WDR35: variants seen among roughly 807,000 people sequenced by gnomAD.
WDR35 encodes the protein WD repeat domain 35, also known as WD repeat-containing protein 35.
WDR35 carries 118 observed loss-of-function variants against 158.3 expected under a neutral mutation model. The ratio of observed to expected loss-of-function variants is 0.75; its 90% CI spans 0.64 to 0.87. The LOEUF (loss-of-function observed/expected upper bound fraction) is 0.87, where lower values mean the gene tolerates loss of function less well. WDR35 is among the 40% of genes least tolerant of loss of function. WDR35 has a pLI of 0.00. For missense variants in WDR35, 1,263 were observed against 1,405.8 expected, an observed-to-expected ratio of 0.90 and a Z score of 1.62; for synonymous variants, 448 against 476.1, an observed-to-expected ratio of 0.94 and a Z score of 0.77.
At chr2:19,941,654 T>C in intron 17 of WDR35, 105 bp downstream of exon 17, 1 of 806,670 alleles carries the variant, frequency 1.2e-6, no homozygotes, top group Non-Finnish European at 2.0e-6. Context: ...GCCTGAGATA[T>C]ATCTGACTCC....
intron 11 of WDR35, among the ~76,000 whole-genome samples, chr2:19,955,661 T>A (rs1457885395): frequency 1.3e-5 from 2 of 152,242 alleles, no homozygotes; most frequent in Non-Finnish European, 2.9e-5. Flanking sequence ...TTAATTTCTC[T>A]ATTATAAATA....
chr2:19,925,827 C>T (rs2103391157), intron 25 of WDR35, among the ~76,000 whole-genome samples: 1 of 152,260 alleles, frequency 6.6e-6, no homozygotes. Context: ...AAAAAATCTG[C>T]AAGCTTTGGA....
intron 8 of WDR35, among the ~76,000 whole-genome samples, chr2:19,971,419 T>C (rs1331983289): frequency 6.6e-6 from 1 of 152,202 alleles, no homozygotes; most frequent in Non-Finnish European, 1.5e-5. Context: ...TGTCTCTCTG[T>C]TGCACTCTCT....
rs762617889 is a variant in WDR35 at position 19,989,160 on chromosome 2, T to C, written c.142+5A>G. ...TACCAAACATGTGGGCTTGCATTCA[T>C]TTACCTGTCTGCGTCTCTAATTTCA... On this transcript the variant is annotated splice_donor_5th_base_variant and intron_variant, in intron 2 of 26. Coordinates refer to ENST00000281405, the MANE Select transcript of WDR35 (RefSeq NM_020779.4). The C allele has an allele frequency of 2.7e-5, 44 of 1,613,292 alleles. No individual in the cohort carries two copies. The highest frequency in any genetic ancestry group is 6.7e-5 in the Admixed American group (4 of 60,008).
chr2:19,970,496 A>C (rs1206736578), intron 8 of WDR35, among the ~76,000 whole-genome samples: 1 of 151,970 alleles, frequency 6.6e-6, no homozygotes, highest in East Asian at 1.9e-4. Context: ...TTCAATCTAT[A>C]CTCTGCTGTC....
At chr2:19,916,810 C>T (rs1670005199) in intron 25 of WDR35, among the ~76,000 whole-genome samples, 1 of 152,230 alleles carries the variant, frequency 6.6e-6, no homozygotes, top group Non-Finnish European at 1.5e-5. Flanking sequence ...CTCCAACAGA[C>T]TTAAACGTCC....
At chr2:19,948,291 C>A (rs750788246) in intron 13 of WDR35, 74 bp from the exon 14 acceptor site, 16 of 1,330,606 alleles carry the variant, frequency 1.2e-5, no homozygotes, top group Non-Finnish European at 1.6e-5. Context: ...ACGTAGTATG[C>A]AATTCACTAA....
At chr2:19,954,091 C>A in intron 11 of WDR35, 113 bp from the exon 12 acceptor site, 4 of 1,190,414 alleles carry the variant, frequency 3.4e-6, no homozygotes, top group Non-Finnish European at 3.7e-6. Context: ...AGACAATATA[C>A]CCCCACATAG....
chr2:19,915,204 A>C (rs1669954382), intron 25 of WDR35, among the ~76,000 whole-genome samples: 1 of 152,156 alleles, frequency 6.6e-6, no homozygotes, highest in Non-Finnish European at 1.5e-5. Flanking sequence ...ATAGTATATC[A>C]AAAACTTCAT....
intron 5 of WDR35, among the ~76,000 whole-genome samples, 177 bp from the exon 6 acceptor site, chr2:19,975,840 A>T (rs1672192230): frequency 6.6e-6 from 1 of 152,246 alleles, no homozygotes; most frequent in Non-Finnish European, 1.5e-5. Flanking sequence ...GACATCTGAA[A>T]TAGCAGCTGT....
Position 19,932,428 on chromosome 2 carries a change from A to G in WDR35, c.2678T>C (p.Leu893Ser), listed in dbSNP as rs151047156. 271 of 1,613,274 alleles carry G rather than the reference A, an allele frequency of 1.7e-4. 2 individuals carry two copies. In the African/African-American group the frequency reaches 3.0e-3, roughly 18 times the overall value. The change falls in exon 23 of 27, where the codon TTG (leucine) becomes TCG (serine). Residue 893 changes from leucine to serine, a missense_variant. Physicochemically the swap from Leu to Ser is moderately radical, Grantham distance 145. Coordinates refer to ENST00000281405, the MANE Select transcript of WDR35 (RefSeq NM_020779.4). ...TTCTTTCATACTATGATTTTTAGCC[A>G]ATTCAACAGCTTTGTTCCACTAGGA... ...HLNQWNKAVE[L>S]AKNHSMKEIG...
At position 19,913,666 on chromosome 2, in the gene WDR35, TG is replaced by T. The variant is rs1258248395; in HGVS notation, c.3404del (p.Pro1135GlnfsTer22). On this transcript the variant is annotated frameshift_variant, in exon 27 of 27. Transcript: ENST00000281405. LOFTEE classifies it high-confidence loss of function. ...ACATCCAGAATTGATACTCAGTGAT[TG>T]GGCTTCCTGTGGCAACGCATGTTGG... ...KLPTCVATGS[P>X]ITEYQFWMCS... 6.2e-7 allele frequency: 1 copy of T among 1,614,028 alleles called. No homozygotes were observed.
At chr2:19,981,519 T>C (rs945847367) in intron 3 of WDR35, among the ~76,000 whole-genome samples, 3 of 152,080 alleles carry the variant, frequency 2.0e-5, no homozygotes, top group Non-Finnish European at 4.4e-5. Flanking sequence ...CTTCAGTCTT[T>C]AGTCTTTTTT....
Position 19,945,777 on chromosome 2 carries a change from T to C in WDR35, c.1845+9A>G, listed in dbSNP as rs572995743. ...TTATAGACTGTTAACACTCATTTCT[T>C]GTTTTTACCTCAGGATCCAAGTTTC... On this transcript the variant is annotated intron_variant, in intron 16 of 26. Coordinates refer to ENST00000281405, the MANE Select transcript of WDR35 (RefSeq NM_020779.4). The C allele has an allele frequency of 6.2e-7, 1 of 1,613,722 alleles. No individual in the cohort carries two copies. The highest frequency in any genetic ancestry group is 1.1e-5 in the South Asian group (1 of 91,078).
chr2:19,946,337 A>C, intron 15 of WDR35, 124 bp downstream of exon 15: 1 of 867,762 alleles, frequency 1.2e-6, no homozygotes, highest in Non-Finnish European at 1.9e-6. Context: ...ATAAAACCAT[A>C]CTGAATTTTA....
Position 19,917,838 on chromosome 2 carries a change from A to T in WDR35, c.3122-3561T>A, listed in dbSNP as rs915132866. Among the ~76,000 whole-genome samples, 9 of 152,344 alleles carry T rather than the reference A, an allele frequency of 5.9e-5. No homozygotes were observed. The South Asian group carries it at 1.7e-3, about 28-fold the overall frequency. On this transcript the variant is annotated intron_variant, in intron 25 of 26. Transcript: ENST00000281405. ...AACACTCTTCAGGATATTATCCAGG[A>T]AAATCCCCAACCTAGCAAGGCAGGC...
rs546574052 is a variant in WDR35, at chr2:19,913,019, T to C, written c.*539A>G. On this transcript the variant is annotated 3_prime_UTR_variant, in exon 27 of 27. Transcript: ENST00000281405. ...TAGAAACAATTCAGATTGTAAAAAA[T>C]GTCTTAAAATGCCATCGCCTCACTT... 6.5e-6 allele frequency: 1 copy of C among 152,678 alleles called. No homozygotes were observed. Among genetic ancestry groups the C allele is most frequent in the East Asian group, 1.9e-4 (1 of 5,204 alleles). 9.5% of individuals were successfully genotyped at this position (152,678 alleles called of 1,614,324 possible). A position where few individuals can be genotyped will look rare whatever the true frequency, so the allele number is the denominator to read the frequency against.
intron 16 of WDR35, among the ~76,000 whole-genome samples, chr2:19,942,265 T>C (rs1670904367): frequency 6.6e-6 from 1 of 152,182 alleles, no homozygotes; most frequent in Non-Finnish European, 1.5e-5. Flanking sequence ...TTAAAGTTAA[T>C]TCTTCATAAA....
chr2:19,947,653 C>A (rs1671101317), intron 14 of WDR35, among the ~76,000 whole-genome samples: 1 of 152,110 alleles, frequency 6.6e-6, no homozygotes, highest in Non-Finnish European at 1.5e-5. Context: ...ATGAAAGTGG[C>A]TGAGCCAAAG....
Sources: gnomAD v4.1 joint callset for allele counts (sites outside exome capture counted in the v4.1 genomes callset) on GRCh38, gnomAD v4.1.1 for gene constraint, MANE v1.5 for transcripts, NCBI Gene and HGNC (gene_info 2026-07-23, HGNC 2026-07-21) for gene names.